The following LRIF1 variants were observed in gnomAD, a reference collection of about 807,000 sequenced individuals.
LRIF1 encodes the protein ligand-dependent nuclear receptor-interacting factor 1.
In LRIF1, 32 loss-of-function variants were observed where a neutral mutation model predicts 52.7. The observed-to-expected ratio is 0.61, with a 90% CI of 0.46 to 0.82. The LOEUF is 0.82. Ranked by LOEUF, LRIF1 falls within the 40% of genes least tolerant of loss-of-function variation. The probability of loss-of-function intolerance (pLI) is 0.00; values close to 1 mark genes in which losing one functional copy is unlikely to be tolerated. For missense variants in LRIF1, 887 were observed against 892.0 expected, an observed-to-expected ratio of 0.99 and a Z score of 0.07; for synonymous variants, 323 against 317.4, an observed-to-expected ratio of 1.02 and a Z score of -0.19.
At chr1:110,930,485 T>C in the LRIF1 span, among the ~76,000 whole-genome samples, 1 of 152,324 alleles carries the variant, frequency 6.6e-6, no homozygotes, top group Admixed American at 6.5e-5. Context: ...TTACATGGCC[T>C]TTCCTCTGTG....
chr1:110,935,918 A>T, the LRIF1 span, among the ~76,000 whole-genome samples: 1 of 152,138 alleles, frequency 6.6e-6, no homozygotes, highest in Non-Finnish European at 1.5e-5. Flanking sequence ...ACTCCCAAAG[A>T]TCAAGTATAA....
At chr1:110,899,496 A>C in the LRIF1 span, 5 of 272,710 alleles carry the variant, frequency 1.8e-5, no homozygotes, top group South Asian at 2.3e-4. Flanking sequence ...CCCAACATCA[A>C]AGGGTGAACC....
At chr1:110,891,025 C>T in the LRIF1 span, among the ~76,000 whole-genome samples, 43 of 152,362 alleles carry the variant, frequency 2.8e-4, no homozygotes, top group African/African-American at 9.9e-4. Flanking sequence ...ACCAGTCCAT[C>T]CCTGACTTCA....
the LRIF1 span, among the ~76,000 whole-genome samples, chr1:110,897,139 C>T: frequency 6.6e-6 from 1 of 152,280 alleles, no homozygotes; most frequent in Non-Finnish European, 1.5e-5. Flanking sequence ...GAATCCAGCC[C>T]CTTAGGGAAA....
At chr1:110,938,926 A>C in the LRIF1 span, 54 of 151,248 alleles carry the variant, frequency 3.6e-4, no homozygotes, top group African/African-American at 1.3e-3. Context: ...ACAGTGAACA[A>C]TATGAAAAAA....
At chr1:110,887,315 C>T in the LRIF1 span, among the ~76,000 whole-genome samples, 2 of 152,128 alleles carry the variant, frequency 1.3e-5, no homozygotes, top group Non-Finnish European at 2.9e-5. Flanking sequence ...CCGCCCGCCT[C>T]GGCCTCCCAA....
the LRIF1 span, among the ~76,000 whole-genome samples, chr1:110,879,716 G>A: frequency 3.4e-4 from 52 of 152,060 alleles, no homozygotes; most frequent in Admixed American, 1.5e-3. Flanking sequence ...ACTGATAGAG[G>A]TTCTTTTTTT....
the LRIF1 span, among the ~76,000 whole-genome samples, chr1:110,905,429 A>G: frequency 3.3e-5 from 5 of 152,080 alleles, no homozygotes; most frequent in African/African-American, 1.2e-4. Flanking sequence ...GCTCCAATAC[A>G]TCTGGTAGCA....
the LRIF1 span, among the ~76,000 whole-genome samples, chr1:110,879,678 T>C: frequency 1.3e-5 from 2 of 152,150 alleles, no homozygotes; most frequent in Non-Finnish European, 2.9e-5. Flanking sequence ...GCTTGTAATA[T>C]TGGATCAGAT....
chr1:110,962,922 A>C (rs1307823823), intron 1 of LRIF1, among the ~76,000 whole-genome samples: 4 of 152,194 alleles, frequency 2.6e-5, no homozygotes, highest in Non-Finnish European at 5.9e-5. Flanking sequence ...ATTTAAAAAA[A>C]AAAACCCAAA....
chr1:110,879,760 G>T, the LRIF1 span, among the ~76,000 whole-genome samples: 6 of 151,888 alleles, frequency 4.0e-5, no homozygotes, highest in Admixed American at 3.9e-4. Context: ...TAGAGACAGG[G>T]TCTCTCTATG....
At chr1:110,927,190 T>C in the LRIF1 span, among the ~76,000 whole-genome samples, 4 of 152,158 alleles carry the variant, frequency 2.6e-5, no homozygotes, top group Non-Finnish European at 5.9e-5. Flanking sequence ...CTTTGTAAAT[T>C]CAGAATAGTG....
chr1:110,945,546 A>C (rs934591819), downstream of LRIF1, among the ~76,000 whole-genome samples: 2 of 151,754 alleles, frequency 1.3e-5, no homozygotes, highest in East Asian at 1.9e-4. Flanking sequence ...CTGCCCCAGC[A>C]TTCCCAGTAG....
the LRIF1 span, among the ~76,000 whole-genome samples, chr1:110,921,518 G>C: frequency 6.6e-6 from 1 of 151,878 alleles, no homozygotes; most frequent in African/African-American, 2.4e-5. Context: ...CAACAAAAAA[G>C]CATTATTAAA....
downstream of LRIF1, among the ~76,000 whole-genome samples, chr1:110,946,528 AAGC>A (rs1422468907): frequency 6.6e-6 from 1 of 152,198 alleles, no homozygotes; most frequent in Non-Finnish European, 1.5e-5. Flanking sequence ...TGTTAATAGA[AAGC>A]AGCAAAATCT....
At chr1:110,933,002 T>C in the LRIF1 span, among the ~76,000 whole-genome samples, 169 of 152,352 alleles carry the variant, frequency 1.1e-3, 7 homozygotes, top group South Asian at 0.034. Flanking sequence ...TATAGATTAA[T>C]AGGTATATTT....
At chr1:110,912,824 T>C in the LRIF1 span, among the ~76,000 whole-genome samples, 1 of 152,130 alleles carries the variant, frequency 6.6e-6, no homozygotes, top group South Asian at 2.1e-4. Context: ...AATTAGAAAA[T>C]ACTATTCTAA....
In LRIF1 at chr1:110,952,312, G is replaced by C; in HGVS notation, c.572C>G (p.Ala191Gly). Residue 191 changes from alanine to glycine, a missense_variant, in exon 2 of 4, where the codon GCT (alanine) becomes GGT (glycine). Coordinates refer to ENST00000369763, the MANE Select transcript of LRIF1 (RefSeq NM_018372.4). ...TGACGCTGGTACAGATTTCACTTCA[G>C]CATGGGCTGGAATCTGTAAATGATG... ...SGHHLQIPAH[A>G]EVKSVPASSL... The C allele has an allele frequency of 6.2e-7, 1 of 1,614,138 alleles. No individual in the cohort carries two copies. Among genetic ancestry groups the C allele is most frequent in the Non-Finnish European group, 8.5e-7 (1 of 1,179,986 alleles).
chr1:110,946,524 T>C (rs1570936385), downstream of LRIF1, among the ~76,000 whole-genome samples: 1 of 152,164 alleles, frequency 6.6e-6, no homozygotes, highest in African/African-American at 2.4e-5. Flanking sequence ...CAGCTGTTAA[T>C]AGAAAGCAGC....
Sources: gnomAD v4.1 joint callset for allele counts (sites outside exome capture counted in the v4.1 genomes callset) on GRCh38, gnomAD v4.1.1 for gene constraint, MANE v1.5 for transcripts, NCBI Gene and HGNC (gene_info 2026-07-23, HGNC 2026-07-21) for gene names.